Variants in ACVR1C observed in about 807,000 individuals in gnomAD.
ACVR1C encodes the protein activin A receptor type 1C.
In ACVR1C, 23 loss-of-function variants were observed where a neutral mutation model predicts 57.9. That is an observed-to-expected ratio of 0.40 (90% CI 0.29 to 0.56). ACVR1C has a LOEUF of 0.56. ACVR1C is among the 20% of genes least tolerant of loss of function. The pLI is 0.50. For missense variants in ACVR1C, 480 were observed against 607.9 expected (o/e 0.79, Z 2.21); for synonymous variants, 214 against 215.3 (o/e 0.99, Z 0.05).
At chr2:157,565,668 T>C (rs1469527195) in intron 2 of ACVR1C, among the ~76,000 whole-genome samples, 2 of 152,172 alleles carry the variant, frequency 1.3e-5, no homozygotes, top group African/African-American at 4.8e-5. Flanking sequence ...TCAAACGAGC[T>C]ATTGATGGGC....
chr2:157,551,035 C>T (rs1222768803), intron 3 of ACVR1C, among the ~76,000 whole-genome samples: 3 of 152,068 alleles, frequency 2.0e-5, no homozygotes, highest in East Asian at 1.9e-4. Context: ...AGAATTCTGT[C>T]GCAAATACTT....
chr2:157,603,998 G>A (rs996900825), intron 1 of ACVR1C, among the ~76,000 whole-genome samples: 44 of 152,112 alleles, frequency 2.9e-4, no homozygotes, highest in African/African-American at 9.9e-4. Context: ...AGGTACCCAC[G>A]TTTAACTATT....
At chr2:157,562,600 AC>A (rs1251275670) in intron 2 of ACVR1C, among the ~76,000 whole-genome samples, 16 of 151,928 alleles carry the variant, frequency 1.1e-4, no homozygotes, top group African/African-American at 3.9e-4. Context: ...AAAAGGAGGG[AC>A]TCCTCCCTAA....
intron 1 of ACVR1C, among the ~76,000 whole-genome samples, chr2:157,609,619 A>G (rs1682486991): frequency 1.3e-5 from 2 of 152,088 alleles, no homozygotes; most frequent in South Asian, 4.1e-4. Flanking sequence ...CTCTAGAACT[A>G]GTAATATCTG....
chr2:157,591,564 C>T (rs1467388070), intron 1 of ACVR1C, among the ~76,000 whole-genome samples: 1 of 152,010 alleles, frequency 6.6e-6, no homozygotes, highest in African/African-American at 2.4e-5. Context: ...TTATTCTTCA[C>T]TTGCATATTT....
At chr2:157,607,054 T>C (rs1246052719) in intron 1 of ACVR1C, among the ~76,000 whole-genome samples, 3 of 151,944 alleles carry the variant, frequency 2.0e-5, no homozygotes, top group Non-Finnish European at 4.4e-5. Flanking sequence ...CTCAGCATCA[T>C]TCATTAAAAA....
chr2:157,548,334 G>A (rs1470326336), intron 4 of ACVR1C, among the ~76,000 whole-genome samples: 7 of 140,856 alleles, frequency 5.0e-5, no homozygotes, highest in Non-Finnish European at 7.7e-5. Flanking sequence ...AATCAATATC[G>A]TGAAAATGGC....
intron 2 of ACVR1C, among the ~76,000 whole-genome samples, chr2:157,574,435 A>G (rs1019535931): frequency 3.3e-5 from 5 of 152,214 alleles, no homozygotes; most frequent in African/African-American, 4.8e-5. Flanking sequence ...TTCCAGTACT[A>G]TCACCTTAGA....
intron 4 of ACVR1C, among the ~76,000 whole-genome samples, chr2:157,548,300 C>G (rs1311731775): frequency 1.4e-5 from 2 of 147,400 alleles, no homozygotes; most frequent in African/African-American, 2.5e-5. Flanking sequence ...AATGGAAGAA[C>G]ATTCCATGCT....
At chr2:157,602,441 A>C (rs899881431) in intron 1 of ACVR1C, among the ~76,000 whole-genome samples, 7 of 152,256 alleles carry the variant, frequency 4.6e-5, no homozygotes, top group Admixed American at 1.3e-4. Context: ...ATGAAATTTC[A>C]TCTTCATACA....
chr2:157,587,376 T>C lies in ACVR1C; in HGVS notation c.115A>G (p.Thr39Ala), dbSNP rs774136712. ...CAACATGCTCCTTCTGTTTGGCAGG[T>C]GAAGTTTGAAGAATCACACAAAAGA... is the stretch of plus-strand genomic sequence containing the variant. The part of the protein sequence containing the change: ...VCLLCDSSNF[T>A]CQTEGACWAS... The change falls in exon 2 of 9, where the codon ACC (threonine) becomes GCC (alanine). Residue 39 changes from threonine to alanine, a missense_variant. By Grantham distance (58) the Thr-to-Ala change is moderately conservative. Coordinates refer to ENST00000243349, the MANE Select transcript of ACVR1C (RefSeq NM_145259.3). 1.2e-6 allele frequency: 2 copies of C among 1,613,494 alleles called. No homozygotes were observed. Among genetic ancestry groups the C allele is most frequent in the Admixed American group, 1.7e-5 (1 of 59,978 alleles).
At chr2:157,626,264 C>T (rs1682894029) in intron 1 of ACVR1C, among the ~76,000 whole-genome samples, 1 of 152,234 alleles carries the variant, frequency 6.6e-6, no homozygotes, top group Non-Finnish European at 1.5e-5. Context: ...CCACTGCACC[C>T]AGCCAGCCTG....
intron 5 of ACVR1C, among the ~76,000 whole-genome samples, chr2:157,543,686 ACTCT>A: frequency 6.6e-6 from 1 of 152,168 alleles, no homozygotes; most frequent in African/African-American, 2.4e-5. Context: ...AGACTAATTG[ACTCT>A]CTAGAGCCAA....
Position 157,561,743 on chromosome 2 carries a change from A to G in ACVR1C, c.305-5411T>C, listed in dbSNP as rs200432633. ...CTCCCTTAACCTGCCACTTCACAGC[A>G]TCCTAAAATGTGGGTACCATTATTT... On this transcript the variant is annotated intron_variant, in intron 2 of 8. Coordinates refer to ENST00000243349, the MANE Select transcript of ACVR1C (RefSeq NM_145259.3). Among the ~76,000 whole-genome samples, 5 of 152,362 alleles carry G rather than the reference A, an allele frequency of 3.3e-5. No individual in the cohort carries two copies. The East Asian group carries it at 9.6e-4, about 29-fold the overall frequency.
chr2:157,573,694 T>C (rs1244603439), intron 2 of ACVR1C, among the ~76,000 whole-genome samples: 1 of 152,172 alleles, frequency 6.6e-6, no homozygotes, highest in Non-Finnish European at 1.5e-5. Context: ...TGAATTTTCA[T>C]GGACAATATT....
In ACVR1C at chr2:157,533,120, G is replaced by A. The variant is rs1266816034; in HGVS notation, c.*798C>T. The A allele has an allele frequency of 6.6e-6, 1 of 152,062 alleles. No individual in the cohort carries two copies. The highest frequency in any genetic ancestry group is 1.5e-5 in the Non-Finnish European group (1 of 68,018). The allele number at this position is 152,062 out of a possible 1,614,324, so 9.4% of individuals were successfully genotyped here. ...TATCATAATAAAAGATATTACATAG[G>A]GAGAAAAGCACTATTCAAGGGAAAG... is the stretch of plus-strand genomic sequence containing the variant. On this transcript the variant is annotated 3_prime_UTR_variant, in exon 9 of 9. Transcript: ENST00000243349.
chr2:157,576,062 G>A (rs1473339539), intron 2 of ACVR1C, among the ~76,000 whole-genome samples: 2 of 151,986 alleles, frequency 1.3e-5, no homozygotes, highest in African/African-American at 4.8e-5. Flanking sequence ...ATAGGTAGAA[G>A]ATAACAAATA....
chr2:157,602,574 A>C (rs900193246), intron 1 of ACVR1C, among the ~76,000 whole-genome samples: 1 of 152,198 alleles, frequency 6.6e-6, no homozygotes, highest in Non-Finnish European at 1.5e-5. Flanking sequence ...AATAAACACA[A>C]AAGTTTCTTT....
At chr2:157,539,208 T>C (rs1470244848) in intron 7 of ACVR1C, among the ~76,000 whole-genome samples, 3 of 152,112 alleles carry the variant, frequency 2.0e-5, no homozygotes, top group African/African-American at 7.2e-5. Context: ...CTTTCTCTCT[T>C]TGAAAACTTT....
Sources: allele counts gnomAD v4.1 joint callset (sites outside exome capture counted in the v4.1 genomes callset), GRCh38; gene constraint gnomAD v4.1.1; transcripts MANE v1.5; gene names NCBI Gene and HGNC (gene_info 2026-07-23, HGNC 2026-07-21).